Variants in SMOC2 observed in about 807,000 individuals in gnomAD.
SMOC2 encodes SPARC related modular calcium binding 2.
Under a neutral mutation model 61.4 loss-of-function variants are expected in SMOC2, and 39 were observed. The observed-to-expected ratio is 0.64, with a 90% CI of 0.49 to 0.83. SMOC2 has a LOEUF of 0.83. Among genes scored for constraint, SMOC2 ranks in the 40% least tolerant of loss-of-function variants. The pLI is 0.00. For missense variants in SMOC2, 556 were observed against 592.9 expected, an observed-to-expected ratio of 0.94 and a Z score of 0.65; for synonymous variants, 247 against 239.9, an observed-to-expected ratio of 1.03 and a Z score of -0.27.
At chr6:168,500,575 C>T (rs1782704190) in intron 1 of SMOC2, among the ~76,000 whole-genome samples, 1 of 152,066 alleles carries the variant, frequency 6.6e-6, no homozygotes, top group Non-Finnish European at 1.5e-5. Context: ...GCTACTTGCC[C>T]CGGTGATTCT....
At chr6:168,657,854 T>G (rs756168970) in intron 11 of SMOC2, among the ~76,000 whole-genome samples, 6 of 152,174 alleles carry the variant, frequency 3.9e-5, no homozygotes, top group Non-Finnish European at 8.8e-5. Flanking sequence ...ATTCACCTAT[T>G]CGTGAGGGCA....
Position 168,579,130 on chromosome 6 carries a change from G to A in SMOC2, c.638-19688G>A, listed in dbSNP as rs1008884372. ...CACATGGCTAGTAAGAATTCAAACC[G>A]GGTGGCCCTTATCCCCAGGTCACAC... On this transcript the variant is annotated intron_variant, in intron 7 of 12. Coordinates refer to ENST00000356284, the MANE Select transcript of SMOC2 (RefSeq NM_001166412.2). Among the ~76,000 whole-genome samples the A allele has an allele frequency of 2.6e-4, 39 of 152,316 alleles. 1 individual carries two copies. Among genetic ancestry groups the A allele is most frequent in the African/African-American group, 8.7e-4 (36 of 41,580 alleles).
At chr6:168,638,029 T>A (rs1348818841) in intron 9 of SMOC2, among the ~76,000 whole-genome samples, 1 of 123,194 alleles carries the variant, frequency 8.1e-6, no homozygotes, top group Non-Finnish European at 1.6e-5. Context: ...TCCCTGCACA[T>A]CTGCGCACTC....
At chr6:168,447,927 G>A (rs181466293) in intron 1 of SMOC2, among the ~76,000 whole-genome samples, 3 of 152,012 alleles carry the variant, frequency 2.0e-5, no homozygotes, top group Admixed American at 6.5e-5. Context: ...CAGTGAAGGC[G>A]CTAGAATCAA....
At chr6:168,596,654 T>A (rs1475698102) in intron 7 of SMOC2, among the ~76,000 whole-genome samples, 2 of 152,230 alleles carry the variant, frequency 1.3e-5, no homozygotes, top group East Asian at 3.8e-4. Flanking sequence ...AGCAACAACC[T>A]CCAGAAACAT....
rs193035140 is a variant in SMOC2 at position 168,516,959 on chromosome 6, A to G, written c.256+6873A>G. On this transcript the variant is annotated intron_variant, in intron 2 of 12. Coordinates refer to ENST00000356284, the MANE Select transcript of SMOC2 (RefSeq NM_001166412.2). ...CAACACTGAAACTCCGTCTGAAGAA[A>G]AAAGGTTACTGCCACGATGAGGTTT... Among the ~76,000 whole-genome samples the G allele has an allele frequency of 3.9e-4, 60 of 152,288 alleles. 1 individual carries two copies. The highest frequency in any genetic ancestry group is 3.4e-3 in the Middle Eastern group (1 of 294).
At chr6:168,500,965 G>A (rs1230494378) in intron 1 of SMOC2, among the ~76,000 whole-genome samples, 2 of 152,166 alleles carry the variant, frequency 1.3e-5, no homozygotes, top group Non-Finnish European at 2.9e-5. Context: ...AAGACTCTCC[G>A]ACAGAGTGGG....
intron 9 of SMOC2, among the ~76,000 whole-genome samples, chr6:168,618,701 A>G (rs996503870): frequency 2.6e-5 from 4 of 152,166 alleles, no homozygotes; most frequent in African/African-American, 9.7e-5. Flanking sequence ...AATGTCCCGC[A>G]TGGGGTGAGC....
chr6:168,662,238 C>T (rs1274749975), intron 11 of SMOC2, among the ~76,000 whole-genome samples: 1 of 152,162 alleles, frequency 6.6e-6, no homozygotes, highest in Non-Finnish European at 1.5e-5. Context: ...AAGGCTTATA[C>T]TTTGGTGTGG....
Position 168,628,141 on chromosome 6 carries a change from C to T in SMOC2, c.907+19902C>T, listed in dbSNP as rs539605800. On this transcript the variant is annotated intron_variant, in intron 9 of 12. Coordinates refer to ENST00000356284, the MANE Select transcript of SMOC2 (RefSeq NM_001166412.2). ...GGCCCCCTAGGTTTGCCATGGCTCA[C>T]GGATTCTGGGGTTGCACTTCTTTGT... Among the ~76,000 whole-genome samples the T allele has an allele frequency of 2.6e-3, 398 of 152,378 alleles. 2 individuals are homozygous for T. Among genetic ancestry groups the T allele is most frequent in the Non-Finnish European group, 4.1e-3 (277 of 68,040 alleles).
chr6:168,495,461 T>C (rs1433130758), intron 1 of SMOC2, among the ~76,000 whole-genome samples: 1 of 152,190 alleles, frequency 6.6e-6, no homozygotes, highest in African/African-American at 2.4e-5. Context: ...TTCTATCTCT[T>C]TGTCACATTT....
chr6:168,596,622 A>G (rs1785342076), intron 7 of SMOC2, among the ~76,000 whole-genome samples: 1 of 152,264 alleles, frequency 6.6e-6, no homozygotes, highest in African/African-American at 2.4e-5. Flanking sequence ...TGATGCACCA[A>G]GTGCTCTGAG....
chr6:168,495,149 G>T, intron 1 of SMOC2, among the ~76,000 whole-genome samples: 1 of 152,238 alleles, frequency 6.6e-6, no homozygotes, highest in Non-Finnish European at 1.5e-5. Context: ...GGAAAGCCAT[G>T]CTCCTGCGCC....
rs529846266 is a variant in SMOC2 at position 168,546,299 on chromosome 6, A to G, written c.512-820A>G. ...AAAAGGATGATCCTGAGAGCACCAC[A>G]GTGCCTTGTGATTGCCTCCTGGGTG... is the stretch of plus-strand genomic sequence containing the variant. On this transcript the variant is annotated intron_variant, in intron 5 of 12. Coordinates refer to ENST00000356284, the MANE Select transcript of SMOC2 (RefSeq NM_001166412.2). Among the ~76,000 whole-genome samples, 209 of 147,190 alleles carry G rather than the reference A, an allele frequency of 1.4e-3. No homozygotes were observed. In the Middle Eastern group the frequency reaches 0.014, roughly 10 times the overall value.
Position 168,667,621 on chromosome 6 carries a change from C to T in SMOC2, c.*1183C>T, listed in dbSNP as rs1366638870. On this transcript the variant is annotated 3_prime_UTR_variant, in exon 13 of 13. Coordinates refer to ENST00000356284, the MANE Select transcript of SMOC2 (RefSeq NM_001166412.2). ...CCACCCTCAGGCCTGGGCCCCAGAG[C>T]TCAGGGCACCCAGTGTCTTAAGGAA... The T allele has an allele frequency of 6.6e-6, 1 of 152,236 alleles. No homozygotes were observed. Among genetic ancestry groups the T allele is most frequent in the Non-Finnish European group, 1.5e-5 (1 of 68,054 alleles). 9.4% of individuals were successfully genotyped at this position (152,236 alleles called of 1,614,324 possible). A position where few individuals can be genotyped will look rare whatever the true frequency, so the allele number is the denominator to read the frequency against.
chr6:168,503,787 G>A (rs538497945), intron 1 of SMOC2, among the ~76,000 whole-genome samples: 33 of 152,148 alleles, frequency 2.2e-4, no homozygotes, highest in South Asian at 1.0e-3. Flanking sequence ...CAATGTTAAT[G>A]CCCCCAAACT....
chr6:168,599,284 CCACACACACACATACCACA>C (rs1424794145), intron 8 of SMOC2, among the ~76,000 whole-genome samples: 1 of 111,038 alleles, frequency 9.0e-6, no homozygotes, highest in South Asian at 3.3e-4. Flanking sequence ...TCTCACACAC[CCACACACACACATACCACA>C]CACACACCCC....
intron 9 of SMOC2, among the ~76,000 whole-genome samples, chr6:168,609,191 C>G (rs915680860): frequency 6.6e-6 from 1 of 152,202 alleles, no homozygotes; most frequent in East Asian, 1.9e-4. Flanking sequence ...GTTCCGGGGA[C>G]ACACAGCACA....
At chr6:168,612,591 C>T (rs1033312170) in intron 9 of SMOC2, among the ~76,000 whole-genome samples, 5 of 152,158 alleles carry the variant, frequency 3.3e-5, no homozygotes, top group Admixed American at 2.0e-4. Flanking sequence ...AGGGTGACCC[C>T]AGCCTTTACT....
Sources: allele counts gnomAD v4.1 joint callset (sites outside exome capture counted in the v4.1 genomes callset), GRCh38; gene constraint gnomAD v4.1.1; transcripts MANE v1.5; gene names NCBI Gene and HGNC (gene_info 2026-07-23, HGNC 2026-07-21).